The following BMPER variants were observed in gnomAD, a reference collection of about 807,000 sequenced individuals.
BMPER encodes the protein BMP-binding endothelial regulator protein.
BMPER carries 45 observed loss-of-function variants against 87.3 expected under a neutral mutation model. That is an observed-to-expected ratio of 0.52 (90% CI 0.41 to 0.66). The LOEUF is 0.66. Ranked by LOEUF, BMPER falls within the 30% of genes least tolerant of loss-of-function variation. The pLI is 0.00. For synonymous variants in BMPER, 326 were observed against 316.2 expected, an observed-to-expected ratio of 1.03 and a Z score of -0.33; for missense variants, 784 against 867.5, an observed-to-expected ratio of 0.90 and a Z score of 1.21.
In BMPER at chr7:33,937,284, T is replaced by G. The variant is rs779259562; in HGVS notation, c.220-5T>G. On this transcript the variant is annotated splice_region_variant and splice_polypyrimidine_tract_variant and intron_variant, in intron 2 of 14. Transcript: ENST00000649409. Reference sequence around the variant, plus strand: ...TTCAAATCTCTCGTGTCTCTTTTTGTCTAGAACAAGGAAGTGACATGTAAG... The same window carrying G: ...TTCAAATCTCTCGTGTCTCTTTTTGGCTAGAACAAGGAAGTGACATGTAAG... 9.3e-6 allele frequency: 15 copies of G among 1,613,146 alleles called. No homozygotes were observed. Among genetic ancestry groups the G allele is most frequent in the Non-Finnish European group, 1.2e-5 (14 of 1,179,214 alleles).
intron 13 of BMPER, among the ~76,000 whole-genome samples, chr7:34,138,001 T>A (rs1044560127): frequency 2.6e-5 from 4 of 152,194 alleles, no homozygotes; most frequent in Admixed American, 2.0e-4. Flanking sequence ...CACCATCTAA[T>A]AGCACTCTCT....
intron 3 of BMPER, among the ~76,000 whole-genome samples, chr7:33,960,689 T>C (rs17822236): frequency 0.16 from 23,627 of 152,190 alleles, 1,855 homozygotes; most frequent in Middle Eastern, 0.24. Flanking sequence ...AGTTCACTTA[T>C]CTGAATAGCT....
At chr7:34,002,245 G>T (rs1435695598) in intron 6 of BMPER, among the ~76,000 whole-genome samples, 4 of 151,710 alleles carry the variant, frequency 2.6e-5, no homozygotes, top group African/African-American at 4.8e-5. Flanking sequence ...ACATTTTGTA[G>T]AAACTGTACT....
chr7:34,077,881 T>C (rs1251419218), intron 11 of BMPER, among the ~76,000 whole-genome samples: 3 of 152,192 alleles, frequency 2.0e-5, no homozygotes, highest in African/African-American at 4.8e-5. Context: ...TTGATCTGGC[T>C]ATTATTCTAG....
At chr7:34,105,032 A>G (rs1175188894) in intron 13 of BMPER, among the ~76,000 whole-genome samples, 1 of 152,208 alleles carries the variant, frequency 6.6e-6, no homozygotes, top group Non-Finnish European at 1.5e-5. Flanking sequence ...TGCCTTCAAC[A>G]TAGAAGCAAT....
At chr7:34,077,981 CCT>C (rs1484274088) in intron 11 of BMPER, among the ~76,000 whole-genome samples, 1 of 151,842 alleles carries the variant, frequency 6.6e-6, no homozygotes, top group Non-Finnish European at 1.5e-5. Context: ...TTGTTTCATG[CCT>C]TTTTGAAAAC....
intron 14 of BMPER, among the ~76,000 whole-genome samples, chr7:34,150,067 G>A (rs1208671675): frequency 1.3e-5 from 2 of 152,124 alleles, no homozygotes; most frequent in Non-Finnish European, 2.9e-5. Context: ...AATGACAAGA[G>A]GCAGTGAGGG....
intron 2 of BMPER, among the ~76,000 whole-genome samples, chr7:33,913,940 G>A (rs1053782286): frequency 6.6e-6 from 1 of 150,902 alleles, no homozygotes; most frequent in Admixed American, 6.6e-5. Flanking sequence ...TGATAGTAAT[G>A]TATGCTCAGT....
chr7:33,942,278 A>T (rs1784789395), intron 3 of BMPER, among the ~76,000 whole-genome samples: 2 of 152,196 alleles, frequency 1.3e-5, no homozygotes, highest in Admixed American at 1.3e-4. Context: ...AGTAGTCAGC[A>T]AGATGATCAT....
intron 6 of BMPER, among the ~76,000 whole-genome samples, chr7:33,981,015 A>C (rs1332233908): frequency 6.6e-6 from 1 of 152,212 alleles, no homozygotes; most frequent in East Asian, 1.9e-4. Context: ...GGATTCTTGA[A>C]GATGTTCTGA....
intron 2 of BMPER, among the ~76,000 whole-genome samples, chr7:33,910,610 A>G (rs1783933863): frequency 1.3e-5 from 2 of 152,366 alleles, no homozygotes; most frequent in Non-Finnish European, 1.5e-5. Flanking sequence ...TCAGCAAAAA[A>G]CATTATTCTG....
intron 13 of BMPER, among the ~76,000 whole-genome samples, chr7:34,116,201 T>A (rs4723351): frequency 2.6e-5 from 4 of 152,006 alleles, no homozygotes; most frequent in African/African-American, 7.3e-5. Context: ...GGGACCTTCC[T>A]GTCTTATTTA....
At chr7:33,934,081 T>C (rs1784544920) in intron 2 of BMPER, among the ~76,000 whole-genome samples, 1 of 152,164 alleles carries the variant, frequency 6.6e-6, no homozygotes, top group Non-Finnish European at 1.5e-5. Context: ...TGGTGACACA[T>C]AGTGCATGTG....
chr7:33,905,292 C>T (rs1041744247), upstream of BMPER: 1 of 438,582 alleles, frequency 2.3e-6, no homozygotes, highest in Non-Finnish European at 4.2e-6. Context: ...CGCAACACCC[C>T]TTCCTCCTGG....
chr7:33,972,568 G>A (rs1258553862), intron 5 of BMPER, among the ~76,000 whole-genome samples: 1 of 152,144 alleles, frequency 6.6e-6, no homozygotes, highest in African/African-American at 2.4e-5. Flanking sequence ...CCCACCAAGA[G>A]TAAGCGCCTG....
intron 2 of BMPER, among the ~76,000 whole-genome samples, chr7:33,921,418 C>G (rs945792893): frequency 6.6e-6 from 1 of 152,196 alleles, no homozygotes; most frequent in African/African-American, 2.4e-5. Flanking sequence ...CTGCAATCAG[C>G]GAGAGTTGGG....
rs78640571 is a variant in BMPER, at chr7:34,036,222, G to A, written c.577-10084G>A. ...GCTTGTAACAGCTTTGACTACTTCC[G>A]TGATGATGAAAGTTTGAACTTTGAT... On this transcript the variant is annotated intron_variant, in intron 6 of 14. Transcript: ENST00000649409. Among the ~76,000 whole-genome samples the A allele has an allele frequency of 2.9e-4, 44 of 152,302 alleles. No homozygotes were observed. The East Asian group carries it at 7.7e-3, about 27-fold the overall frequency.
intron 6 of BMPER, among the ~76,000 whole-genome samples, chr7:33,998,792 CAG>C (rs542212831): frequency 5.8e-4 from 88 of 152,360 alleles, no homozygotes; most frequent in African/African-American, 1.9e-3. Context: ...TGGCAGATGA[CAG>C]AGTCTGGCGC....
intron 3 of BMPER, among the ~76,000 whole-genome samples, chr7:33,958,557 A>G (rs1051177071): frequency 1.9e-4 from 29 of 152,082 alleles, no homozygotes; most frequent in African/African-American, 7.0e-4. Flanking sequence ...GAAAGGCAGC[A>G]TGCCATCTTC....
Sources: gnomAD v4.1 joint callset for allele counts (sites outside exome capture counted in the v4.1 genomes callset) on GRCh38, gnomAD v4.1.1 for gene constraint, MANE v1.5 for transcripts, NCBI Gene and HGNC (gene_info 2026-07-23, HGNC 2026-07-21) for gene names.